Variants in RNF141 observed in about 807,000 individuals in gnomAD.
The protein encoded by RNF141 is ring finger protein 141.
RNF141 carries 18 observed loss-of-function variants against 27.4 expected under a neutral mutation model. That is an observed-to-expected ratio of 0.66 (90% CI 0.45 to 0.97). The LOEUF (loss-of-function observed/expected upper bound fraction) is 0.97. Among genes scored for constraint, RNF141 ranks in the 50% least tolerant of loss-of-function variants. The pLI, the probability that RNF141 is intolerant of heterozygous loss-of-function variation, is 0.00. For missense variants in RNF141, 230 were observed against 279.4 expected (o/e 0.82, Z 1.26); for synonymous variants, 97 against 96.6 (o/e 1.00, Z -0.02).
Position 10,534,114 on chromosome 11 carries a change from C to T in RNF141, c.45G>A (p.Lys15=). ...ISDQTQLVIN[K]LPEKVAKHVT... ...CATGTTTTGCTACTTTTTCTGGTAACTTGTTAATAACCAACTGTGTCTGAT... is the reference window on the plus strand; with the variant it reads ...CATGTTTTGCTACTTTTTCTGGTAATTTGTTAATAACCAACTGTGTCTGAT... The change falls in exon 2 of 6, where the codon AAG becomes AAA. Residue 15 remains lysine (K), a synonymous_variant. Transcript: ENST00000265981. 1.2e-6 allele frequency: 2 copies of T among 1,613,692 alleles called. No homozygotes were observed.
chr11:10,530,052 G>A (rs1337939700), intron 3 of RNF141, among the ~76,000 whole-genome samples: 3 of 152,070 alleles, frequency 2.0e-5, no homozygotes, highest in African/African-American at 7.2e-5. Context: ...TTAGAGCCGG[G>A]GTGGGGATAG....
intron 5 of RNF141, chr11:10,517,406 G>C (rs1485055773): frequency 6.6e-6 from 1 of 151,976 alleles, no homozygotes; most frequent in Non-Finnish European, 1.5e-5. Context: ...CTAATACATG[G>C]TAATTGGAAT....
intron 5 of RNF141, 32 bp downstream of exon 5, chr11:10,519,002 G>T (rs1849864391): frequency 6.4e-7 from 1 of 1,552,216 alleles, no homozygotes; most frequent in Non-Finnish European, 8.9e-7. Flanking sequence ...CACTGACCTT[G>T]GCCCAGCCCA....
Position 10,512,765 on chromosome 11 carries a change from A to C in RNF141, c.*2151T>G, listed in dbSNP as rs542240553. The C allele has an allele frequency of 3.9e-5, 6 of 152,250 alleles. No homozygotes were observed. In the South Asian group the frequency reaches 1.0e-3, roughly 26 times the overall value. The allele number at this position is 152,250 out of a possible 1,614,324, so 9.4% of individuals were successfully genotyped here. Reference sequence around the variant, plus strand: ...AAATTTGACTTGAATTTAATTAAAAAATTTTTTTAAAAAAAACGACTCCCA... The same window carrying C: ...AAATTTGACTTGAATTTAATTAAAACATTTTTTTAAAAAAAACGACTCCCA... On this transcript the variant is annotated 3_prime_UTR_variant, in exon 6 of 6. Coordinates refer to ENST00000265981, the MANE Select transcript of RNF141 (RefSeq NM_016422.4).
At position 10,532,496 on chromosome 11, in the gene RNF141, T is replaced by TACACAC. The variant is rs10559393; in HGVS notation, c.143+1514_143+1519dup. ...ACTGGGAATAGTTTAGTTCATTTTC[T>TACACAC]ACACACACACACACACACACACACA... is the stretch of plus-strand genomic sequence containing the variant. On this transcript the variant is annotated intron_variant, in intron 2 of 5. Transcript: ENST00000265981. Among the ~76,000 whole-genome samples the TACACAC allele has an allele frequency of 6.5e-3, 858 of 131,230 alleles. 2 individuals are homozygous for TACACAC. The highest frequency in any genetic ancestry group is 6.6e-3 in the Non-Finnish European group (406 of 61,548). 86.1% of individuals were successfully genotyped at this position (131,230 alleles called of 152,430 possible).
chr11:10,534,216 T>C lies in RNF141; in HGVS notation c.-47-11A>G, dbSNP rs1850014745. On this transcript the variant is annotated splice_polypyrimidine_tract_variant and intron_variant, in intron 1 of 5. Transcript: ENST00000265981. ...TGCTTCACATAGTTTCTGTCAAATA[T>C]ACAGAAAAGTTACTTTTACATATTA... The C allele has an allele frequency of 2.6e-6, 4 of 1,558,064 alleles. No individual in the cohort carries two copies. The East Asian group carries it at 9.0e-5, about 35-fold the overall frequency.
At chr11:10,537,506 A>G (rs1850047454) in intron 1 of RNF141, among the ~76,000 whole-genome samples, 1 of 152,332 alleles carries the variant, frequency 6.6e-6, no homozygotes, top group South Asian at 2.1e-4. Context: ...AATTTAACCA[A>G]CGTGGTATAG....
intron 1 of RNF141, among the ~76,000 whole-genome samples, chr11:10,536,415 A>C (rs1231057763): frequency 2.0e-5 from 3 of 152,158 alleles, no homozygotes; most frequent in Non-Finnish European, 2.9e-5. Context: ...GATGACCTGA[A>C]GACTGTATGC....
At chr11:10,530,436 T>A (rs927737550) in intron 3 of RNF141, among the ~76,000 whole-genome samples, 1 of 152,168 alleles carries the variant, frequency 6.6e-6, no homozygotes, top group Non-Finnish European at 1.5e-5. Flanking sequence ...AAAAAGAATT[T>A]GATTATAAAA....
At chr11:10,539,061 T>C (rs996614267) in intron 1 of RNF141, among the ~76,000 whole-genome samples, 1 of 152,206 alleles carries the variant, frequency 6.6e-6, no homozygotes, top group African/African-American at 2.4e-5. Context: ...AAGGATTTTC[T>C]AAATAAAGAA....
Position 10,540,489 on chromosome 11 carries a change from C to A in RNF141, c.-48+633G>T, listed in dbSNP as rs568506533. 4.6e-5 allele frequency among the ~76,000 whole-genome samples: 7 copies of A among 152,282 alleles called. No individual in the cohort carries two copies. The East Asian group carries it at 1.2e-3, about 25-fold the overall frequency. ...GCTCCTGCTGTGTAATCACTACCTT[C>A]TTATTATTAGCAAGAAAACGTTCTT... is the stretch of plus-strand genomic sequence containing the variant. On this transcript the variant is annotated intron_variant, in intron 1 of 5. Coordinates refer to ENST00000265981, the MANE Select transcript of RNF141 (RefSeq NM_016422.4).
At position 10,514,574 on chromosome 11, in the gene RNF141, C is replaced by G. The variant is rs1849827959; in HGVS notation, c.*342G>C. The G allele has an allele frequency of 5.6e-6, 1 of 179,554 alleles. No individual in the cohort carries two copies. The highest frequency in any genetic ancestry group is 6.2e-5 in the Admixed American group (1 of 16,048). The allele number at this position is 179,554 out of a possible 1,614,324, so 11.1% of individuals were successfully genotyped here. On this transcript the variant is annotated 3_prime_UTR_variant, in exon 6 of 6. Coordinates refer to ENST00000265981, the MANE Select transcript of RNF141 (RefSeq NM_016422.4). The stretch of plus-strand genomic sequence containing the variant: ...TATTTTATATCTAAGTAAAAAGATT[C>G]CAGAATACTCCTGCCCTGCAAAACA...
intron 1 of RNF141, among the ~76,000 whole-genome samples, chr11:10,536,795 G>A (rs1445927540): frequency 1.3e-5 from 2 of 152,170 alleles, no homozygotes; most frequent in African/African-American, 2.4e-5. Context: ...TAAGTCAACA[G>A]TATAACGGGG....
chr11:10,525,430 C>A, intron 3 of RNF141, 57 bp from the exon 4 acceptor site: 2 of 1,363,154 alleles, frequency 1.5e-6, no homozygotes, highest in South Asian at 3.0e-5. Context: ...ACCAATTTTT[C>A]CCAAAAAGGG....
chr11:10,532,329 A>G (rs548659117), intron 2 of RNF141, among the ~76,000 whole-genome samples: 10 of 152,268 alleles, frequency 6.6e-5, no homozygotes, highest in Non-Finnish European at 1.0e-4. Context: ...CCTTTGGATA[A>G]TTTTTAAAAA....
rs140393944 is a variant in RNF141, at chr11:10,534,085, G to A, written c.74C>T (p.Thr25Met). 529 of 1,613,400 alleles carry A rather than the reference G, an allele frequency of 3.3e-4. 2 individuals are homozygous for A. The African/African-American group carries it at 5.9e-3, about 18-fold the overall frequency. ...TAAGGAGCCACTCTCTCGAACCAACGTAACATGTTTTGCTACTTTTTCTGG... is the reference window on the plus strand; with the variant it reads ...TAAGGAGCCACTCTCTCGAACCAACATAACATGTTTTGCTACTTTTTCTGG... ...KLPEKVAKHV[T>M]LVRESGSLTY... Residue 25 changes from threonine (T) to methionine (M), a missense_variant, in exon 2 of 6, where the codon ACG becomes ATG. Physicochemically the swap from Thr to Met is moderately conservative, Grantham distance 81. Coordinates refer to ENST00000265981, the MANE Select transcript of RNF141 (RefSeq NM_016422.4).
At chr11:10,523,857 G>A (rs4243915) in intron 4 of RNF141, among the ~76,000 whole-genome samples, 97,429 of 152,014 alleles carry the variant, frequency 0.64, 31,485 homozygotes, top group East Asian at 0.85. Flanking sequence ...ATTCTGGAGA[G>A]AAGAAAAGCA....
intron 4 of RNF141, among the ~76,000 whole-genome samples, chr11:10,521,427 G>A (rs1228600478): frequency 1.3e-5 from 2 of 152,058 alleles, no homozygotes; most frequent in Non-Finnish European, 2.9e-5. Context: ...AATTTTTAAG[G>A]TTTTCTTCAT....
At chr11:10,515,920 TG>T (rs1849839727) in intron 5 of RNF141, 1 of 152,222 alleles carries the variant, frequency 6.6e-6, no homozygotes, top group African/African-American at 2.4e-5. Context: ...AATAAGATTA[TG>T]TTTTCGAAAA....
Sources: allele counts gnomAD v4.1 joint callset (sites outside exome capture counted in the v4.1 genomes callset), GRCh38; gene constraint gnomAD v4.1.1; transcripts MANE v1.5; gene names NCBI Gene and HGNC (gene_info 2026-07-23, HGNC 2026-07-21).